Variants in STAM observed in about 807,000 individuals in gnomAD.
STAM encodes signal transducing adaptor molecule.
Under a neutral mutation model 63.4 loss-of-function variants are expected in STAM, and 16 were observed. That is an observed-to-expected ratio of 0.25 (90% confidence interval 0.17 to 0.38). STAM has a LOEUF of 0.38. STAM is among the 10% of genes least tolerant of loss of function. The probability of loss-of-function intolerance (pLI) is 1.00; values close to 1 mark genes in which losing one functional copy is unlikely to be tolerated. For missense variants in STAM, 636 were observed against 657.1 expected, an observed-to-expected ratio of 0.97 and a Z score of 0.35; for synonymous variants, 238 against 223.9, an observed-to-expected ratio of 1.06 and a Z score of -0.56.
Position 17,661,695 on chromosome 10 carries a change from T to G in STAM, c.125+1147T>G, listed in dbSNP as rs11254711. On this transcript the variant is annotated intron_variant, in intron 2 of 13. Coordinates refer to ENST00000377524, the MANE Select transcript of STAM (RefSeq NM_003473.4). The stretch of plus-strand genomic sequence containing the variant: ...CATTGCACTAAAACTTGAGTCACCT[T>G]CACATTTATTACTCAATTCTGTCCA... Among the ~76,000 whole-genome samples the G allele has an allele frequency of 5.9e-5, 9 of 152,144 alleles. 1 individual carries two copies. The highest frequency in any genetic ancestry group is 5.9e-4 in the Admixed American group (9 of 15,278).
Position 17,660,447 on chromosome 10 carries a change from C to A in STAM, c.41-17C>A. Reference sequence around the variant, plus strand: ...TTTGAAAAATAATGTTTCTGCAATCCCCTTTACAATCTACAGAGAAAGCAA... The same window carrying A: ...TTTGAAAAATAATGTTTCTGCAATCACCTTTACAATCTACAGAGAAAGCAA... On this transcript the variant is annotated splice_polypyrimidine_tract_variant and intron_variant, in intron 1 of 13. Coordinates refer to ENST00000377524, the MANE Select transcript of STAM (RefSeq NM_003473.4). 2 of 1,516,494 alleles carry A rather than the reference C, an allele frequency of 1.3e-6. No individual in the cohort carries two copies. The highest frequency in any genetic ancestry group is 1.8e-6 in the Non-Finnish European group (2 of 1,121,492). The allele number at this position is 1,516,494 out of a possible 1,614,324, so 93.9% of individuals were successfully genotyped here.
At chr10:17,692,610 C>T (rs1284288717) in intron 5 of STAM, among the ~76,000 whole-genome samples, 1 of 152,152 alleles carries the variant, frequency 6.6e-6, no homozygotes. Context: ...CTTGTAATTC[C>T]AGAAGTGTGA....
intron 2 of STAM, among the ~76,000 whole-genome samples, chr10:17,676,684 T>G (rs1554824684): frequency 6.6e-6 from 1 of 152,036 alleles, no homozygotes. Context: ...TCCTCTGTTA[T>G]GTCCAGTTAA....
At chr10:17,650,996 C>T (rs1833717449) in intron 1 of STAM, among the ~76,000 whole-genome samples, 1 of 128,468 alleles carries the variant, frequency 7.8e-6, no homozygotes, top group Admixed American at 9.8e-5. Context: ...ACCTGGGAGG[C>T]GGAGCTTGCG....
At chr10:17,673,382 A>T (rs551667356) in intron 2 of STAM, among the ~76,000 whole-genome samples, 131 of 152,368 alleles carry the variant, frequency 8.6e-4, no homozygotes, top group Non-Finnish European at 1.7e-3. Flanking sequence ...TACAATAGTG[A>T]AAAGCAGTAT....
chr10:17,667,537 A>C (rs1554823577), intron 2 of STAM, among the ~76,000 whole-genome samples: 1 of 151,868 alleles, frequency 6.6e-6, no homozygotes, highest in Admixed American at 6.5e-5. Flanking sequence ...TTTTTCTTTT[A>C]TTTGTCAAAT....
chr10:17,667,245 G>C (rs2131595267), intron 2 of STAM, among the ~76,000 whole-genome samples: 1 of 152,018 alleles, frequency 6.6e-6, no homozygotes, highest in South Asian at 2.1e-4. Context: ...TCCTGTCTCA[G>C]TCTCCTAAGT....
At chr10:17,693,838 CAAT>C (rs1835647226) in intron 6 of STAM, among the ~76,000 whole-genome samples, 1 of 151,990 alleles carries the variant, frequency 6.6e-6, no homozygotes, top group Non-Finnish European at 1.5e-5. Flanking sequence ...TGACTAAAAG[CAAT>C]ATTGTTGGAT....
chr10:17,651,651 ACTT>A (rs1833746211), intron 1 of STAM, among the ~76,000 whole-genome samples: 2 of 152,134 alleles, frequency 1.3e-5, no homozygotes, highest in South Asian at 4.1e-4. Context: ...TTTGATACCT[ACTT>A]CTTTTTCTGG....
intron 11 of STAM, among the ~76,000 whole-genome samples, chr10:17,705,247 A>G (rs1405675308): frequency 2.6e-5 from 4 of 152,160 alleles, no homozygotes; most frequent in African/African-American, 9.7e-5. Context: ...ACCAGCGTAG[A>G]TAGGTCGTTT....
chr10:17,707,838 C>G (rs1215698780), intron 12 of STAM, among the ~76,000 whole-genome samples: 1 of 150,260 alleles, frequency 6.7e-6, no homozygotes, highest in Admixed American at 6.6e-5. Context: ...TAAAAAAATG[C>G]ATTTTGAAAT....
chr10:17,684,177 A>G (rs566614597), intron 2 of STAM, among the ~76,000 whole-genome samples: 2 of 152,304 alleles, frequency 1.3e-5, no homozygotes, highest in African/African-American at 2.4e-5. Flanking sequence ...GAAGGTCTTC[A>G]CTGATACTTG....
intron 2 of STAM, among the ~76,000 whole-genome samples, chr10:17,679,562 A>G (rs541621694): frequency 4.9e-4 from 73 of 149,908 alleles, no homozygotes; most frequent in African/African-American, 1.6e-3. Context: ...TTTAATTTTG[A>G]TGTTTAATTT....
chr10:17,684,491 A>G (rs556253274), intron 2 of STAM, among the ~76,000 whole-genome samples, 184 bp from the exon 3 acceptor site: 1 of 152,028 alleles, frequency 6.6e-6, no homozygotes, highest in East Asian at 1.9e-4. Flanking sequence ...AGAGCCTGTT[A>G]ATTTTGTTTG....
At chr10:17,667,865 T>C (rs1450306108) in intron 2 of STAM, among the ~76,000 whole-genome samples, 4 of 152,220 alleles carry the variant, frequency 2.6e-5, no homozygotes, top group African/African-American at 9.7e-5. Context: ...CTTGATGCCT[T>C]CTAAGAACTT....
At chr10:17,675,629 G>A (rs1834820122) in intron 2 of STAM, among the ~76,000 whole-genome samples, 1 of 152,060 alleles carries the variant, frequency 6.6e-6, no homozygotes, top group African/African-American at 2.4e-5. Context: ...ATTCACTTAA[G>A]TTTTAGAAAA....
chr10:17,651,387 T>C (rs1833736411), intron 1 of STAM, among the ~76,000 whole-genome samples: 1 of 152,236 alleles, frequency 6.6e-6, no homozygotes, highest in Non-Finnish European at 1.5e-5. Context: ...TAGCTCCTTT[T>C]ATAATCAAGT....
rs1271427926 is a variant in STAM, at chr10:17,696,829, T to C, written c.783T>C (p.Ser261=). 2 of 1,614,192 alleles carry C rather than the reference T, an allele frequency of 1.2e-6. No individual in the cohort carries two copies. Among genetic ancestry groups the C allele is most frequent in the East Asian group, 2.2e-5 (1 of 44,888 alleles). ...ATCAAGGCATAGGGTTATTTCCTTC[T>C]AATTTTGTGACTGCAGATCTCACTG... The part of the protein sequence containing the change: ...ETHQGIGLFP[S]NFVTADLTAE... The change falls in exon 8 of 14, where the codon TCT becomes TCC. Residue 261 remains serine, a synonymous_variant. Coordinates refer to ENST00000377524, the MANE Select transcript of STAM (RefSeq NM_003473.4).
intron 5 of STAM, among the ~76,000 whole-genome samples, chr10:17,688,628 A>AT (rs34935247): frequency 4.5e-4 from 65 of 144,098 alleles, no homozygotes; most frequent in East Asian, 6.0e-4. Context: ...AGACCTGGAA[A>AT]TTTTTTTTTT....
Sources: allele counts gnomAD v4.1 joint callset (sites outside exome capture counted in the v4.1 genomes callset), GRCh38; gene constraint gnomAD v4.1.1; transcripts MANE v1.5; gene names NCBI Gene and HGNC (gene_info 2026-07-23, HGNC 2026-07-21).